BRI3: variants seen among roughly 807,000 people sequenced by gnomAD.
BRI3 encodes the protein brain protein I3.
BRI3 carries 6 observed loss-of-function variants against 12.8 expected under a neutral mutation model. That is an observed-to-expected ratio of 0.47 (90% CI 0.26 to 0.93). The LOEUF (loss-of-function observed/expected upper bound fraction) is 0.93. Ranked by LOEUF, BRI3 falls within the 40% of genes least tolerant of loss-of-function variation. BRI3 has a pLI of 0.15. For synonymous variants in BRI3, 91 were observed against 76.1 expected, an observed-to-expected ratio of 1.20 and a Z score of -1.02; for missense variants, 134 against 171.1, an observed-to-expected ratio of 0.78 and a Z score of 1.21.
chr7:98,296,871 G>A (rs1202318649), downstream of BRI3, among the ~76,000 whole-genome samples: 1 of 152,142 alleles, frequency 6.6e-6, no homozygotes, highest in Non-Finnish European at 1.5e-5. Flanking sequence ...GGGTCTCACA[G>A]CATCCTCCCT....
At chr7:98,282,140 G>A (rs1212729438) in intron 1 of BRI3, among the ~76,000 whole-genome samples, 2 of 152,174 alleles carry the variant, frequency 1.3e-5, no homozygotes, top group Non-Finnish European at 2.9e-5. Context: ...AACCCGGCGG[G>A]GCCGGATCCC....
chr7:98,312,336 C>T (rs1028251058), downstream of BRI3: 1 of 1,475,606 alleles, frequency 6.8e-7, no homozygotes, highest in Non-Finnish European at 9.1e-7. Flanking sequence ...GACATCACGT[C>T]ATATCGCTGA....
chr7:98,315,576 G>T, the BRI3 span: 2 of 1,480,324 alleles, frequency 1.4e-6, no homozygotes, highest in Non-Finnish European at 1.8e-6. Flanking sequence ...ATGAATTTCT[G>T]GATTTCACTC....
At chr7:98,297,474 G>A (rs1424929378), downstream of BRI3, among the ~76,000 whole-genome samples, 4 of 152,296 alleles carry the variant, frequency 2.6e-5, no homozygotes, top group East Asian at 5.8e-4. Context: ...CAGTGCAGGT[G>A]GCCTTGCTCC....
chr7:98,297,792 C>A (rs1011882434), downstream of BRI3, among the ~76,000 whole-genome samples: 1 of 152,200 alleles, frequency 6.6e-6, no homozygotes, highest in African/African-American at 2.4e-5. Flanking sequence ...GGGGCACTGG[C>A]GGCTCTCAGG....
downstream of BRI3, among the ~76,000 whole-genome samples, chr7:98,311,351 G>A (rs907974757): frequency 1.2e-4 from 18 of 151,656 alleles, no homozygotes; most frequent in African/African-American, 4.4e-4. Flanking sequence ...TGACCATCCT[G>A]GCTAACATGG....
At chr7:98,293,877 G>A (rs1231181126), downstream of BRI3, among the ~76,000 whole-genome samples, 2 of 152,206 alleles carry the variant, frequency 1.3e-5, no homozygotes, top group African/African-American at 4.8e-5. Context: ...GGTCACTCTG[G>A]GGTGGGGAAG....
intron 2 of BRI3, chr7:98,282,740 A>G (rs571953165): frequency 7.1e-5 from 27 of 378,746 alleles, no homozygotes; most frequent in African/African-American, 5.3e-4. Context: ...AATGGTAACA[A>G]CGGGACTCGT....
chr7:98,308,238 C>T (rs1230119529), exon 2 of BRI3: 11 of 497,174 alleles, frequency 2.2e-5, no homozygotes, highest in Middle Eastern at 3.0e-4. Context: ...ACCGCTCCAA[C>T]GCCAAACTGC....
At chr7:98,282,665 G>T (rs1799565763) in intron 2 of BRI3, 1 of 543,612 alleles carries the variant, frequency 1.8e-6, no homozygotes. Context: ...ATTTTGTGGG[G>T]GCAAAAGGGT....
At position 98,284,427 on chromosome 7, in the gene BRI3, G is replaced by A. The variant is rs574727779; in HGVS notation, c.245+1974G>A. Among the ~76,000 whole-genome samples the A allele has an allele frequency of 3.3e-5, 5 of 152,334 alleles. No individual in the cohort carries two copies. In the South Asian group the frequency reaches 1.0e-3, roughly 32 times the overall value. ...CAGCCAGAGGGCGAGCAGGGGGCTG[G>A]GTGCTCTGCTGCTGGCGTGGGTGGG... On this transcript the variant is annotated intron_variant, in intron 2 of 2. Transcript: ENST00000297290.
At chr7:98,301,448 T>C (rs944720081) in intron 1 of BRI3, among the ~76,000 whole-genome samples, 1 of 150,032 alleles carries the variant, frequency 6.7e-6, no homozygotes, top group Non-Finnish European at 1.5e-5. Flanking sequence ...AATGAAAGCC[T>C]GAAAGCCTTC....
At chr7:98,313,029 T>A (rs747518126), downstream of BRI3, among the ~76,000 whole-genome samples, 3 of 152,092 alleles carry the variant, frequency 2.0e-5, no homozygotes, top group Non-Finnish European at 4.4e-5. Context: ...CACACTGCTT[T>A]TACTCAGCCT....
chr7:98,291,538 T>C lies in BRI3; in HGVS notation c.*295T>C. The stretch of plus-strand genomic sequence containing the variant: ...ATTCATACCATTGTTGACCTGGTGC[T>C]GCTTACTCGGTGCTTTCAGAGACCC... On this transcript the variant is annotated 3_prime_UTR_variant, in exon 3 of 3. Transcript: ENST00000297290. 8.5e-7 allele frequency: 1 copy of C among 1,169,648 alleles called. No homozygotes were observed. The highest frequency in any genetic ancestry group is 1.1e-6 in the Non-Finnish European group (1 of 941,776). 72.5% of individuals were successfully genotyped at this position (1,169,648 alleles called of 1,614,324 possible).
At chr7:98,318,369 C>T in the BRI3 span, among the ~76,000 whole-genome samples, 3 of 152,102 alleles carry the variant, frequency 2.0e-5, no homozygotes, top group Non-Finnish European at 4.4e-5. Flanking sequence ...CGCCACTGCA[C>T]TCTCTGCCTC....
chr7:98,321,007 C>T, the BRI3 span, among the ~76,000 whole-genome samples: 2 of 152,112 alleles, frequency 1.3e-5, no homozygotes, highest in Non-Finnish European at 2.9e-5. Context: ...CAGGCGTGCA[C>T]CACCACACTC....
chr7:98,294,175 T>C (rs1800088458), downstream of BRI3: 2 of 1,543,710 alleles, frequency 1.3e-6, no homozygotes, highest in African/African-American at 1.4e-5. Flanking sequence ...TTATTTTAGG[T>C]AGAGATGGGG....
downstream of BRI3, chr7:98,310,575 G>A: frequency 6.3e-7 from 1 of 1,588,976 alleles, no homozygotes; most frequent in Non-Finnish European, 8.5e-7. Flanking sequence ...TAGAAAGGGT[G>A]TCGTAATCTT....
chr7:98,294,257 T>TGCTGGGACTACAGGTGTGAGCC (rs1488210848), downstream of BRI3: 3 of 764,384 alleles, frequency 3.9e-6, no homozygotes, highest in Non-Finnish European at 6.4e-6. Context: ...CCTCCTAATG[T>TGCTGGGACTACAGGTGTGAGCC]GCTGGGACTA....
Sources: allele counts gnomAD v4.1 joint callset (sites outside exome capture counted in the v4.1 genomes callset), GRCh38; gene constraint gnomAD v4.1.1; transcripts MANE v1.5; gene names NCBI Gene and HGNC (gene_info 2026-07-23, HGNC 2026-07-21).